LRFN2: variants seen among roughly 807,000 people sequenced by gnomAD.
The protein encoded by LRFN2 is leucine-rich repeat and fibronectin type-III domain-containing protein 2.
Under a neutral mutation model 37.3 loss-of-function variants are expected in LRFN2, and 18 were observed. That is an observed-to-expected ratio of 0.48 (90% CI 0.33 to 0.72). LRFN2 has a LOEUF of 0.72. Ranked by LOEUF, LRFN2 falls within the 30% of genes least tolerant of loss-of-function variation. The pLI is 0.02. For missense variants in LRFN2, 1,006 were observed against 1,060.7 expected, an observed-to-expected ratio of 0.95 and a Z score of 0.72; for synonymous variants, 556 against 466.6, an observed-to-expected ratio of 1.19 and a Z score of -2.47.
At chr6:40,440,542 T>C (rs1763809746) in intron 1 of LRFN2, among the ~76,000 whole-genome samples, 1 of 152,218 alleles carries the variant, frequency 6.6e-6, no homozygotes. Context: ...ACAGACACAG[T>C]AGCCCTTGGC....
At chr6:40,531,596 T>C (rs138227209) in intron 1 of LRFN2, among the ~76,000 whole-genome samples, 10 of 152,306 alleles carry the variant, frequency 6.6e-5, no homozygotes, top group Admixed American at 4.6e-4. Flanking sequence ...TGTTTTTGAT[T>C]CGTTGCCCCC....
In LRFN2 at chr6:40,392,916, G is replaced by C. The variant is rs774810320; in HGVS notation, c.1401-4C>G. On this transcript the variant is annotated splice_polypyrimidine_tract_variant and splice_region_variant and intron_variant, in intron 2 of 2. Coordinates refer to ENST00000338305, the MANE Select transcript of LRFN2 (RefSeq NM_020737.3). This position sits in a 1 kb window ranked among gnomAD's most constrained non-coding sequence, Gnocchi z 4.7. ...CTTGTTGGAGGCTGGGATCATCCTG[G>C]GGAGGGAGGTGGACAGAAATAGTGA... 1 of 1,600,910 alleles carries C rather than the reference G, an allele frequency of 6.2e-7. No individual in the cohort carries two copies. Among genetic ancestry groups the C allele is most frequent in the Non-Finnish European group, 8.5e-7 (1 of 1,173,162 alleles).
intron 2 of LRFN2, among the ~76,000 whole-genome samples, chr6:40,421,954 C>T (rs138724423): frequency 7.5e-4 from 114 of 152,266 alleles, no homozygotes; most frequent in Admixed American, 3.6e-3. Flanking sequence ...TCATTATCTC[C>T]ATTTAGCAGG....
intron 1 of LRFN2, among the ~76,000 whole-genome samples, chr6:40,479,541 C>A (rs1050591286): frequency 2.6e-5 from 4 of 152,238 alleles, no homozygotes; most frequent in African/African-American, 9.6e-5. Context: ...CTGGGTCTCA[C>A]TTTCTAAAAT....
At chr6:40,577,105 T>TCTC (rs1561913898) in intron 1 of LRFN2, among the ~76,000 whole-genome samples, 7 of 39,780 alleles carry the variant, frequency 1.8e-4, no homozygotes, top group African/African-American at 2.4e-4. Flanking sequence ...TTTCTTTTCC[T>TCTC]TTCTTTTCTT....
chr6:40,576,916 C>A (rs1767290583), intron 1 of LRFN2, among the ~76,000 whole-genome samples: 1 of 151,876 alleles, frequency 6.6e-6, no homozygotes, highest in Non-Finnish European at 1.5e-5. Flanking sequence ...CCTCCATCAT[C>A]ACCTCATGTC....
intron 2 of LRFN2, among the ~76,000 whole-genome samples, chr6:40,413,885 A>G (rs1763031388): frequency 6.6e-6 from 1 of 151,958 alleles, no homozygotes; most frequent in African/African-American, 2.4e-5. Context: ...TCTCCCCCTC[A>G]TGGTGGTTCT....
intron 2 of LRFN2, among the ~76,000 whole-genome samples, chr6:40,418,076 C>T (rs908600579): frequency 6.6e-6 from 1 of 152,326 alleles, no homozygotes; most frequent in Non-Finnish European, 1.5e-5. Flanking sequence ...TCCGAGGCCT[C>T]ATCATGGCCA....
chr6:40,505,121 G>A (rs1277725854), intron 1 of LRFN2, among the ~76,000 whole-genome samples: 1 of 152,218 alleles, frequency 6.6e-6, no homozygotes, highest in East Asian at 1.9e-4. Flanking sequence ...CGGGCCCTGT[G>A]TGGCAGGTTT....
chr6:40,407,381 C>A (rs764841709), intron 2 of LRFN2, among the ~76,000 whole-genome samples: 4 of 152,244 alleles, frequency 2.6e-5, no homozygotes, highest in Non-Finnish European at 5.9e-5. Context: ...AGATGTGTGA[C>A]TGTAGACCAT....
At chr6:40,518,976 G>A (rs901025592) in intron 1 of LRFN2, among the ~76,000 whole-genome samples, 1 of 152,118 alleles carries the variant, frequency 6.6e-6, no homozygotes, top group African/African-American at 2.4e-5. Context: ...GTTCAGTGGG[G>A]GCTGAACTGA....
intron 1 of LRFN2, among the ~76,000 whole-genome samples, chr6:40,435,050 TATAGAG>T (rs1330558815): frequency 2.6e-3 from 157 of 60,020 alleles, no homozygotes; most frequent in African/African-American, 4.4e-3. Flanking sequence ...TATATATATA[TATAGAG>T]AGAGAGAGAG....
chr6:40,442,019 C>A (rs1018603616), intron 1 of LRFN2, among the ~76,000 whole-genome samples: 3 of 152,184 alleles, frequency 2.0e-5, no homozygotes, highest in African/African-American at 7.2e-5. Flanking sequence ...ACTTCCCCAG[C>A]AGATCCAAGT....
chr6:40,513,950 G>T (rs1490491868), intron 1 of LRFN2, among the ~76,000 whole-genome samples: 1 of 152,088 alleles, frequency 6.6e-6, no homozygotes, highest in Non-Finnish European at 1.5e-5. Flanking sequence ...GAGCTATCAG[G>T]AGGGGGCCTG....
At chr6:40,404,063 G>C (rs909102155) in intron 2 of LRFN2, among the ~76,000 whole-genome samples, 1 of 152,120 alleles carries the variant, frequency 6.6e-6, no homozygotes, top group Non-Finnish European at 1.5e-5. Context: ...GCCTCTTTCA[G>C]GTCCCTGTTC....
In LRFN2 at chr6:40,392,145, G is replaced by A. The variant is rs1762518009; in HGVS notation, c.2168C>T (p.Ser723Phe). 6.2e-7 allele frequency: 1 copy of A among 1,609,958 alleles called. No homozygotes were observed. The highest frequency in any genetic ancestry group is 1.3e-5 in the African/African-American group (1 of 74,882). The change falls in exon 3 of 3, where the codon TCC becomes TTC. Residue 723 changes from serine (S) to phenylalanine (F), a missense_variant. Physicochemically the swap from Ser to Phe is radical, Grantham distance 155. Around this residue, in one of 4 missense-constraint regions of LRFN2, gnomAD observed 398 missense variants for 327.6 expected, o/e 1.21. Coordinates refer to ENST00000338305, the MANE Select transcript of LRFN2 (RefSeq NM_020737.3). The surrounding 1 kb of genome is among the most constrained non-coding windows in gnomAD (Gnocchi z 4.7). ...PLEGKAKRSH[S>F]FDMGDFAAAA... ...AGCAGCAAAGTCCCCCATGTCGAAG[G>A]AGTGGCTGCGTTTGGCCTTGCCCTC...
At position 40,483,232 on chromosome 6, in the gene LRFN2, G is replaced by T. The variant is rs148350487; in HGVS notation, c.-18-50101C>A. ...TACCAGCTACGCTGTAGATGTTAGA[G>T]TGATGCCATTTCCCATCTCTCTGCT... is the stretch of plus-strand genomic sequence containing the variant. On this transcript the variant is annotated intron_variant, in intron 1 of 2. Transcript: ENST00000338305. 3.9e-5 allele frequency among the ~76,000 whole-genome samples: 6 copies of T among 152,390 alleles called. No individual in the cohort carries two copies. In the East Asian group the frequency reaches 1.2e-3, roughly 29 times the overall value.
chr6:40,493,175 G>T (rs189522509), intron 1 of LRFN2, among the ~76,000 whole-genome samples: 62 of 152,234 alleles, frequency 4.1e-4, no homozygotes, highest in African/African-American at 1.2e-3. Context: ...CCCGAGCCAA[G>T]GCTGGGTATC....
chr6:40,555,867 C>A (rs1766865702), intron 1 of LRFN2, among the ~76,000 whole-genome samples: 1 of 152,186 alleles, frequency 6.6e-6, no homozygotes, highest in South Asian at 2.1e-4. Flanking sequence ...CTCTGACATG[C>A]ACAATGTCCA....
Sources: gnomAD v4.1 joint callset for allele counts (sites outside exome capture counted in the v4.1 genomes callset) on GRCh38, gnomAD v4.1.1 for gene constraint, gnomAD v4.1.1 regional missense constraint, Gnocchi (gnomAD v3.1) non-coding constraint, MANE v1.5 for transcripts, NCBI Gene and HGNC (gene_info 2026-07-23, HGNC 2026-07-21) for gene names.